Variants in ZNF804A observed in about 807,000 individuals in gnomAD.
The protein encoded by ZNF804A is zinc finger protein 804A.
In ZNF804A, 2 loss-of-function variants were observed where a neutral mutation model predicts 16.5. The ratio of observed to expected loss-of-function variants is 0.12; its 90% CI spans 0.05 to 0.38. ZNF804A has a LOEUF of 0.38. ZNF804A is among the 10% of genes least tolerant of loss of function. The probability of loss-of-function intolerance (pLI) is 0.99; values close to 1 mark genes in which losing one functional copy is unlikely to be tolerated. For synonymous variants in ZNF804A, 534 were observed against 489.6 expected, an observed-to-expected ratio of 1.09 and a Z score of -1.20; for missense variants, 1,473 against 1,390.7, an observed-to-expected ratio of 1.06 and a Z score of -0.94.
Position 184,642,564 on chromosome 2 carries a change from T to C in ZNF804A, c.111+43494T>C, listed in dbSNP as rs191685021. On this transcript the variant is annotated intron_variant, in intron 1 of 3. Transcript: ENST00000302277. The stretch of plus-strand genomic sequence containing the variant: ...AGGAAAAAGAACTATAGAAGTAAGA[T>C]AGTATACTACTTTCCCCTTCCATTT... Among the ~76,000 whole-genome samples the C allele has an allele frequency of 1.2e-3, 188 of 152,296 alleles. 3 individuals are homozygous for C. Among genetic ancestry groups the C allele is most frequent in the Admixed American group, 0.012 (187 of 15,292 alleles).
chr2:184,862,069 T>C (rs1695809203), intron 1 of ZNF804A, among the ~76,000 whole-genome samples: 1 of 152,160 alleles, frequency 6.6e-6, no homozygotes, highest in African/African-American at 2.4e-5. Context: ...GTACAGAAAC[T>C]GTGCTCATAG....
At chr2:184,881,545 G>T (rs1684810234) in intron 2 of ZNF804A, among the ~76,000 whole-genome samples, 1 of 152,050 alleles carries the variant, frequency 6.6e-6, no homozygotes, top group Non-Finnish European at 1.5e-5. Context: ...ACTTATAATG[G>T]AAGCCCCATT....
intron 1 of ZNF804A, among the ~76,000 whole-genome samples, chr2:184,657,412 A>G (rs956650547): frequency 6.6e-6 from 1 of 152,108 alleles, no homozygotes; most frequent in Non-Finnish European, 1.5e-5. Flanking sequence ...AATTCTAATC[A>G]CTTGCTTTTA....
chr2:184,599,823 GT>G (rs1486391650), intron 1 of ZNF804A, among the ~76,000 whole-genome samples: 1 of 152,186 alleles, frequency 6.6e-6, no homozygotes, highest in Non-Finnish European at 1.5e-5. Flanking sequence ...GGGAGAAGAT[GT>G]ACTGAGCATT....
intron 1 of ZNF804A, among the ~76,000 whole-genome samples, chr2:184,602,015 T>A (rs1387346906): frequency 1.3e-5 from 2 of 151,984 alleles, no homozygotes; most frequent in African/African-American, 4.8e-5. Context: ...CATATTTTAG[T>A]GCCAGTGATT....
intron 1 of ZNF804A, among the ~76,000 whole-genome samples, chr2:184,735,485 T>C (rs895261756): frequency 6.6e-6 from 1 of 152,202 alleles, no homozygotes; most frequent in South Asian, 2.1e-4. Context: ...GAGAAATACC[T>C]AATGTAGATG....
intron 3 of ZNF804A, among the ~76,000 whole-genome samples, chr2:184,934,876 A>G (rs1016591420): frequency 9.9e-5 from 15 of 152,148 alleles, no homozygotes; most frequent in African/African-American, 2.9e-4. Context: ...AAAAGAAGTC[A>G]TTCTGTTACT....
intron 1 of ZNF804A, among the ~76,000 whole-genome samples, chr2:184,615,633 T>C (rs1691306955): frequency 1.3e-5 from 2 of 152,200 alleles, no homozygotes; most frequent in African/African-American, 4.8e-5. Flanking sequence ...GACAGAATCC[T>C]ATCTACAGGT....
In ZNF804A at chr2:184,923,840, G is replaced by A. The variant is rs1438868520; in HGVS notation, c.256-9763G>A. Among the ~76,000 whole-genome samples the A allele has an allele frequency of 6.6e-5, 10 of 152,088 alleles. No individual in the cohort carries two copies. The East Asian group carries it at 1.9e-3, about 29-fold the overall frequency. On this transcript the variant is annotated intron_variant, in intron 2 of 3. Coordinates refer to ENST00000302277, the MANE Select transcript of ZNF804A (RefSeq NM_194250.2). ...TTTTTGTTCTTCATCCTGTTGATAT[G>A]ATGTATCACACTGATTGACTTGCCT...
Position 184,939,134 on chromosome 2 carries a change from C to G in ZNF804A, c.*108C>G. ...ATTTAACTGGTGGAAATAAACTGGC[C>G]GATACATGGCGTCATTGGTTTGAAA... is the stretch of plus-strand genomic sequence containing the variant. On this transcript the variant is annotated 3_prime_UTR_variant, in exon 4 of 4. Coordinates refer to ENST00000302277, the MANE Select transcript of ZNF804A (RefSeq NM_194250.2). The G allele has an allele frequency of 2.2e-6, 3 of 1,350,486 alleles. No individual in the cohort carries two copies. The highest frequency in any genetic ancestry group is 3.0e-6 in the Non-Finnish European group (3 of 992,488). The allele number at this position is 1,350,486 out of a possible 1,614,324, so 83.7% of individuals were successfully genotyped here.
chr2:184,713,653 A>T (rs1693169911), intron 1 of ZNF804A, among the ~76,000 whole-genome samples: 1 of 151,986 alleles, frequency 6.6e-6, no homozygotes, highest in South Asian at 2.1e-4. Context: ...TTTTAAGACA[A>T]AATAAAAGTA....
At chr2:184,675,854 A>G (rs1244502304) in intron 1 of ZNF804A, among the ~76,000 whole-genome samples, 2 of 151,748 alleles carry the variant, frequency 1.3e-5, no homozygotes, top group Non-Finnish European at 3.0e-5. Flanking sequence ...TAGTGAACAC[A>G]AGAAAAATAT....
At chr2:184,843,893 G>T (rs969749256) in intron 1 of ZNF804A, among the ~76,000 whole-genome samples, 1 of 152,066 alleles carries the variant, frequency 6.6e-6, no homozygotes, top group Non-Finnish European at 1.5e-5. Flanking sequence ...TATTGGTATA[G>T]TTGGAGTAAT....
chr2:184,828,823 T>C (rs916609716), intron 1 of ZNF804A, among the ~76,000 whole-genome samples: 5 of 151,846 alleles, frequency 3.3e-5, no homozygotes, highest in South Asian at 2.1e-4. Flanking sequence ...TTCTCATCAT[T>C]TATAATTTGA....
chr2:184,605,128 A>G (rs1303367725), intron 1 of ZNF804A, among the ~76,000 whole-genome samples: 1 of 152,156 alleles, frequency 6.6e-6, no homozygotes, highest in African/African-American at 2.4e-5. Context: ...TACTTGTAGT[A>G]ATGATATGGC....
At chr2:184,883,419 T>G (rs1302680659) in intron 2 of ZNF804A, among the ~76,000 whole-genome samples, 1 of 152,040 alleles carries the variant, frequency 6.6e-6, no homozygotes, top group Non-Finnish European at 1.5e-5. Context: ...TCCCTAACTC[T>G]TCTATGAGGC....
At chr2:184,800,691 C>A (rs1168476626) in intron 1 of ZNF804A, among the ~76,000 whole-genome samples, 1 of 151,598 alleles carries the variant, frequency 6.6e-6, no homozygotes, top group Non-Finnish European at 1.5e-5. Context: ...TAGTCTAAGT[C>A]CCTCATCCAA....
chr2:184,914,163 T>C (rs1006704431), intron 2 of ZNF804A, among the ~76,000 whole-genome samples: 2 of 152,158 alleles, frequency 1.3e-5, no homozygotes, highest in African/African-American at 4.8e-5. Context: ...CTGCCACACA[T>C]GCATTTTTGA....
At chr2:184,740,126 A>G (rs1248974595) in intron 1 of ZNF804A, among the ~76,000 whole-genome samples, 1 of 152,200 alleles carries the variant, frequency 6.6e-6, no homozygotes, top group Non-Finnish European at 1.5e-5. Flanking sequence ...AGGGACTCAT[A>G]GTCTCATACT....
Sources: allele counts gnomAD v4.1 joint callset (sites outside exome capture counted in the v4.1 genomes callset), GRCh38; gene constraint gnomAD v4.1.1; transcripts MANE v1.5; gene names NCBI Gene and HGNC (gene_info 2026-07-23, HGNC 2026-07-21).